Variants in ARVCF observed in about 807,000 individuals in gnomAD.
ARVCF encodes the protein ARVCF delta catenin family member.
In ARVCF, 66 loss-of-function variants were observed where a neutral mutation model predicts 90.9. The observed-to-expected ratio is 0.73, with a 90% CI of 0.60 to 0.89. ARVCF has a LOEUF of 0.89. Ranked by LOEUF, ARVCF falls within the 40% of genes least tolerant of loss-of-function variation. ARVCF has a pLI of 0.00. For synonymous variants in ARVCF, 653 were observed against 603.4 expected, an observed-to-expected ratio of 1.08 and a Z score of -1.21; for missense variants, 1,469 against 1,382.3, an observed-to-expected ratio of 1.06 and a Z score of -1.00.
intron 11 of ARVCF, 105 bp downstream of exon 11, chr22:19,975,581 C>G: frequency 7.6e-7 from 1 of 1,309,204 alleles, no homozygotes; most frequent in Non-Finnish European, 1.1e-6. Flanking sequence ...CCCATCTGTT[C>G]CCTGAGGCCC....
At chr22:19,994,512 G>A (rs1417834406) in intron 2 of ARVCF, among the ~76,000 whole-genome samples, 1 of 121,504 alleles carries the variant, frequency 8.2e-6, no homozygotes. Context: ...ATGAATGGAT[G>A]GATGGGTGGG....
intron 18 of ARVCF, among the ~76,000 whole-genome samples, chr22:19,971,559 A>G (rs1423356263): frequency 6.6e-6 from 1 of 152,158 alleles, no homozygotes; most frequent in Non-Finnish European, 1.5e-5. Flanking sequence ...GGGGATTGGC[A>G]CACAGCAGGC....
chr22:19,973,278 T>C lies in ARVCF; in HGVS notation c.2279A>G (p.Asn760Ser), dbSNP rs369590446. The C allele has an allele frequency of 6.2e-7, 1 of 1,607,540 alleles. No individual in the cohort carries two copies. The highest frequency in any genetic ancestry group is 2.2e-5 in the East Asian group (1 of 44,698). ...AMAELVRNVR[N>S]AQAPPRPGAC... Reference sequence around the variant, plus strand: ...CCCCGGTCGCGGCGGAGCCTGTGCATTGCGCACATTCCGCACAAGCTCAGC... The same window carrying C: ...CCCCGGTCGCGGCGGAGCCTGTGCACTGCGCACATTCCGCACAAGCTCAGC... Residue 760 changes from asparagine to serine, a missense_variant, in exon 14 of 20, where the codon AAT becomes AGT. Coordinates refer to ENST00000263207, the MANE Select transcript of ARVCF (RefSeq NM_001670.3).
intron 2 of ARVCF, among the ~76,000 whole-genome samples, chr22:20,009,049 G>A (rs1357127009): frequency 6.6e-6 from 1 of 152,180 alleles, no homozygotes; most frequent in African/African-American, 2.4e-5. Context: ...TACCAGGGCT[G>A]TCGTTTGGTG....
At chr22:20,012,774 A>G (rs1268094251) in intron 1 of ARVCF, among the ~76,000 whole-genome samples, 1 of 152,254 alleles carries the variant, frequency 6.6e-6, no homozygotes, top group Non-Finnish European at 1.5e-5. Flanking sequence ...CACGGTATCC[A>G]TGGTCCAACC....
chr22:19,996,817 A>G (rs893227592), intron 2 of ARVCF, among the ~76,000 whole-genome samples: 2 of 152,016 alleles, frequency 1.3e-5, no homozygotes, highest in African/African-American at 2.4e-5. Flanking sequence ...ACTGTCAGAG[A>G]GCCATAATCA....
Position 19,972,753 on chromosome 22 carries a change from C to G in ARVCF, c.2625G>C (p.Leu875=), listed in dbSNP as rs755112997. 1.7e-5 allele frequency: 27 copies of G among 1,611,986 alleles called. 1 individual carries two copies. The South Asian group carries it at 2.5e-4, about 15-fold the overall frequency. The change falls in exon 16 of 20, where the codon CTG becomes CTC. Residue 875 remains leucine, a synonymous_variant. Coordinates refer to ENST00000263207, the MANE Select transcript of ARVCF (RefSeq NM_001670.3). ...PGGFDDSTLP[L]VDKSLEGEKT... is the part of the protein sequence containing the mutation. The stretch of plus-strand genomic sequence containing the variant: ...ACCACTCACCAAGGCTCTTGTCCAC[C>G]AGTGGCAGCGTGCTGTCATCGAAGC...
intron 3 of ARVCF, 145 bp downstream of exon 3, chr22:19,990,440 C>T: frequency 6.6e-6 from 7 of 1,052,688 alleles, no homozygotes; most frequent in Non-Finnish European, 9.6e-6. Context: ...TCCAGCCCAA[C>T]CTGGGATCCC....
downstream of ARVCF, chr22:19,968,649 C>T (rs1410228244): frequency 2.5e-6 from 4 of 1,614,088 alleles, no homozygotes; most frequent in Non-Finnish European, 3.4e-6. Flanking sequence ...AGTGCACACA[C>T]TACCAATCGT....
intron 13 of ARVCF, 39 bp from the exon 14 acceptor site, chr22:19,973,356 C>T (rs1399593710): frequency 6.5e-7 from 1 of 1,543,624 alleles, no homozygotes; most frequent in East Asian, 2.4e-5. Flanking sequence ...CACCTCTGCC[C>T]CACCTCTCCA....
rs1943502782 is a variant in ARVCF, at chr22:19,981,559, A to T, written c.548T>A (p.Leu183His). The change falls in exon 5 of 20, where the codon CTC (leucine) becomes CAC (histidine). Residue 183 changes from leucine (L) to histidine (H), a missense_variant. Coordinates refer to ENST00000263207, the MANE Select transcript of ARVCF (RefSeq NM_001670.3). ...TTCGGGAAAGCCACCCCCACTGCTG[A>T]GGTAGGCTCGAGAGAGTGTGGCCAC... ...GPVATLSRAY[L>H]SSGGGFPEGP... 6.3e-7 allele frequency: 1 copy of T among 1,598,742 alleles called. No individual in the cohort carries two copies. Among genetic ancestry groups the T allele is most frequent in the Non-Finnish European group, 8.5e-7 (1 of 1,174,776 alleles).
At chr22:19,968,945 A>G, downstream of ARVCF, 1 of 573,528 alleles carries the variant, frequency 1.7e-6, no homozygotes, top group East Asian at 3.0e-5. Context: ...CTTTACTAAC[A>G]CTGGCTAGCT....
intron 3 of ARVCF, among the ~76,000 whole-genome samples, chr22:19,984,785 CAG>C (rs1943678791): frequency 6.6e-6 from 1 of 152,230 alleles, no homozygotes; most frequent in Non-Finnish European, 1.5e-5. Flanking sequence ...CAGGGCCTCA[CAG>C]AGTCTCAACA....
intron 3 of ARVCF, among the ~76,000 whole-genome samples, chr22:19,982,409 G>A (rs1943554969): frequency 6.6e-6 from 1 of 152,098 alleles, no homozygotes; most frequent in Non-Finnish European, 1.5e-5. Context: ...GGGGGGTGAA[G>A]TCTTCAGGGC....
intron 3 of ARVCF, among the ~76,000 whole-genome samples, chr22:19,985,261 G>A (rs1250025019): frequency 6.6e-6 from 1 of 152,042 alleles, no homozygotes; most frequent in African/African-American, 2.4e-5. Flanking sequence ...CACCCCGCCC[G>A]GCCTCCCAGC....
rs1218064291 is a variant in ARVCF, at chr22:20,010,664, CAT to C, written c.-72-158_-72-157del. Among the ~76,000 whole-genome samples the C allele has an allele frequency of 2.6e-5, 4 of 152,218 alleles. No individual in the cohort carries two copies. In the East Asian group the frequency reaches 5.8e-4, roughly 22 times the overall value. ...TGCTCCTGACTCATAACCACACACT[CAT>C]GTGTACCTTCTTGCCCCCACATGTC... On this transcript the variant is annotated intron_variant, in intron 1 of 19. Coordinates refer to ENST00000263207, the MANE Select transcript of ARVCF (RefSeq NM_001670.3).
chr22:19,997,157 G>A (rs1220945400), intron 2 of ARVCF, among the ~76,000 whole-genome samples: 1 of 152,186 alleles, frequency 6.6e-6, no homozygotes. Flanking sequence ...ACGGAAGCTG[G>A]GGTCCGGTCA....
chr22:19,987,206 G>T, intron 3 of ARVCF: 1 of 390,364 alleles, frequency 2.6e-6, no homozygotes, highest in Non-Finnish European at 4.5e-6. Flanking sequence ...CGCTCCCCGC[G>T]GGGGCGGATC....
rs1043850772 is a variant in ARVCF at position 19,969,993 on chromosome 22, T to C, written c.*763A>G. ...ATTTTTAATGCTTTTTCTCAGTGTTTTTCTTCTGTTTCTGAGTCACGAACA... is the reference window on the plus strand; with the variant it reads ...ATTTTTAATGCTTTTTCTCAGTGTTCTTCTTCTGTTTCTGAGTCACGAACA... On this transcript the variant is annotated 3_prime_UTR_variant, in exon 20 of 20. Coordinates refer to ENST00000263207, the MANE Select transcript of ARVCF (RefSeq NM_001670.3). 1.0e-6 allele frequency: 1 copy of C among 985,542 alleles called. No homozygotes were observed. The highest frequency in any genetic ancestry group is 1.2e-6 in the Non-Finnish European group (1 of 829,954). 61.0% of individuals were successfully genotyped at this position (985,542 alleles called of 1,614,324 possible). A position where few individuals can be genotyped will look rare whatever the true frequency, so the allele number is the denominator to read the frequency against.
Sources: allele counts gnomAD v4.1 joint callset (sites outside exome capture counted in the v4.1 genomes callset), GRCh38; gene constraint gnomAD v4.1.1; transcripts MANE v1.5; gene names NCBI Gene and HGNC (gene_info 2026-07-23, HGNC 2026-07-21).